Variants in WDR7 observed in about 807,000 individuals in gnomAD.
WDR7 encodes the protein WD repeat-containing protein 7.
WDR7 carries 46 observed loss-of-function variants against 169.4 expected under a neutral mutation model. That is an observed-to-expected ratio of 0.27 (90% CI 0.21 to 0.35). The LOEUF (loss-of-function observed/expected upper bound fraction) is 0.35. WDR7 is among the 10% of genes least tolerant of loss of function. WDR7 has a pLI of 1.00. For missense variants in WDR7, 1,534 were observed against 1,859.3 expected (o/e 0.83, Z 3.22); for synonymous variants, 612 against 666.8 (o/e 0.92, Z 1.27).
intron 19 of WDR7, among the ~76,000 whole-genome samples, chr18:56,786,359 A>T (rs2044399493): frequency 6.6e-6 from 1 of 152,034 alleles, no homozygotes; most frequent in Non-Finnish European, 1.5e-5. Context: ...GGTGAAAAAC[A>T]GTCTCTACTA....
At chr18:57,026,973 A>C in intron 27 of WDR7, 31 bp from the exon 28 acceptor site, 1 of 1,601,738 alleles carries the variant, frequency 6.2e-7, no homozygotes, top group Non-Finnish European at 8.5e-7. Flanking sequence ...AGGGCTGTTC[A>C]AGTGACACAT....
chr18:56,950,443 G>T (rs577863813), intron 25 of WDR7, among the ~76,000 whole-genome samples: 1 of 152,192 alleles, frequency 6.6e-6, no homozygotes, highest in African/African-American at 2.4e-5. Context: ...ACGATGAAAA[G>T]GTCAAATAAT....
chr18:56,905,652 T>A (rs1242180521), intron 21 of WDR7, among the ~76,000 whole-genome samples: 3 of 150,696 alleles, frequency 2.0e-5, no homozygotes, highest in Non-Finnish European at 4.4e-5. Flanking sequence ...TCATATGAAA[T>A]TATACAGGTG....
At chr18:57,016,476 A>T (rs1235229183) in intron 26 of WDR7, among the ~76,000 whole-genome samples, 1 of 152,196 alleles carries the variant, frequency 6.6e-6, no homozygotes, top group African/African-American at 2.4e-5. Context: ...TAAACATAAG[A>T]TGTTCTCTTT....
intron 25 of WDR7, among the ~76,000 whole-genome samples, chr18:56,942,358 T>A (rs916635985): frequency 2.6e-5 from 4 of 152,138 alleles, no homozygotes; most frequent in Non-Finnish European, 5.9e-5. Flanking sequence ...TTGTTCCAGT[T>A]TGTGCCAGTT....
chr18:56,991,540 T>C (rs543459226), intron 26 of WDR7, among the ~76,000 whole-genome samples: 1 of 151,996 alleles, frequency 6.6e-6, no homozygotes, highest in Non-Finnish European at 1.5e-5. Flanking sequence ...CTAACCCTGT[T>C]GGGGGGAAAA....
intron 19 of WDR7, among the ~76,000 whole-genome samples, chr18:56,807,352 T>A (rs770467877): frequency 6.6e-6 from 1 of 152,174 alleles, no homozygotes; most frequent in Non-Finnish European, 1.5e-5. Context: ...AATTTATAGG[T>A]TGAACAACAT....
intron 19 of WDR7, among the ~76,000 whole-genome samples, chr18:56,785,393 G>A (rs1179652175): frequency 1.3e-5 from 2 of 152,116 alleles, no homozygotes; most frequent in African/African-American, 4.8e-5. Flanking sequence ...CAATATATCT[G>A]ACAAATATAC....
chr18:56,765,946 T>A (rs1259081867), intron 16 of WDR7, among the ~76,000 whole-genome samples: 1 of 152,166 alleles, frequency 6.6e-6, no homozygotes, highest in Non-Finnish European at 1.5e-5. Flanking sequence ...TGCATGCTAA[T>A]CTTTCTTTTA....
At chr18:57,005,580 T>A (rs1298175065) in intron 26 of WDR7, among the ~76,000 whole-genome samples, 1 of 152,162 alleles carries the variant, frequency 6.6e-6, no homozygotes, top group Non-Finnish European at 1.5e-5. Flanking sequence ...TGGGATTTGA[T>A]GAGTAAGTAT....
chr18:56,681,481 T>C, intron 4 of WDR7, 90 bp downstream of exon 4: 1 of 801,346 alleles, frequency 1.2e-6, no homozygotes, highest in East Asian at 3.3e-5. Context: ...TATTTTTATA[T>C]GAAAAATGGT....
At chr18:56,939,163 A>G in intron 24 of WDR7, 148 bp from the exon 25 acceptor site, 1 of 512,938 alleles carries the variant, frequency 1.9e-6, no homozygotes, top group Non-Finnish European at 3.4e-6. Context: ...TAGTATACAC[A>G]TGGCTTAAAT....
chr18:56,805,174 CA>C, intron 19 of WDR7, among the ~76,000 whole-genome samples: 1 of 152,220 alleles, frequency 6.6e-6, no homozygotes, highest in Admixed American at 6.5e-5. Context: ...AAATTGATAC[CA>C]AAATTAAGTC....
chr18:56,885,066 G>A (rs887674461), intron 21 of WDR7, among the ~76,000 whole-genome samples: 7 of 152,136 alleles, frequency 4.6e-5, no homozygotes, highest in Non-Finnish European at 1.0e-4. Context: ...CTCTCAGGAA[G>A]CCACATCCAC....
At chr18:56,668,405 A>G (rs545440595) in intron 1 of WDR7, among the ~76,000 whole-genome samples, 48 of 152,204 alleles carry the variant, frequency 3.2e-4, no homozygotes, top group African/African-American at 1.1e-3. Context: ...TCCTTCCTGG[A>G]CCCATTGAAG....
chr18:56,832,663 G>A (rs2045332360), intron 20 of WDR7, among the ~76,000 whole-genome samples: 2 of 152,222 alleles, frequency 1.3e-5, no homozygotes, highest in Admixed American at 6.5e-5. Flanking sequence ...AATGTTTGCT[G>A]TTCTGCAGTC....
chr18:57,014,189 CA>C (rs2145922838), intron 26 of WDR7, among the ~76,000 whole-genome samples: 1 of 151,458 alleles, frequency 6.6e-6, no homozygotes, highest in South Asian at 2.1e-4. Context: ...AGCTGGGCGT[CA>C]TGGCATGCAC....
chr18:56,744,778 T>C (rs374885654), intron 14 of WDR7, among the ~76,000 whole-genome samples: 19 of 152,152 alleles, frequency 1.2e-4, no homozygotes, highest in East Asian at 9.7e-4. Context: ...GGTTCCCAGA[T>C]GGTTCCCACC....
At chr18:56,959,751 C>T (rs890768804) in intron 25 of WDR7, among the ~76,000 whole-genome samples, 1 of 152,156 alleles carries the variant, frequency 6.6e-6, no homozygotes, top group African/African-American at 2.4e-5. Context: ...ATAACGGACC[C>T]TTCTCTTCAA....
Sources: gnomAD v4.1 joint callset for allele counts (sites outside exome capture counted in the v4.1 genomes callset) on GRCh38, gnomAD v4.1.1 for gene constraint, MANE v1.5 for transcripts, NCBI Gene and HGNC (gene_info 2026-07-23, HGNC 2026-07-21) for gene names.